The following RAP1A variants were observed in gnomAD, a reference collection of about 807,000 sequenced individuals.
RAP1A encodes ras-related protein Rap-1A.
Under a neutral mutation model 26.4 loss-of-function variants are expected in RAP1A, and 6 were observed. The observed-to-expected ratio is 0.23, with a 90% CI of 0.12 to 0.45. The LOEUF (loss-of-function observed/expected upper bound fraction) is 0.45, where lower values mean the gene tolerates loss of function less well. RAP1A is among the 20% of genes least tolerant of loss of function. The probability of loss-of-function intolerance (pLI) is 0.99; values close to 1 mark genes in which losing one functional copy is unlikely to be tolerated. For missense variants in RAP1A, 121 were observed against 217.2 expected (o/e 0.56, Z 2.78); for synonymous variants, 73 against 79.4 (o/e 0.92, Z 0.43).
In RAP1A at chr1:111,595,336, A is replaced by G. The variant is rs1159913655; in HGVS notation, c.-28+52827A>G. Among the ~76,000 whole-genome samples, 3 of 152,212 alleles carry G rather than the reference A, an allele frequency of 2.0e-5. No individual in the cohort carries two copies. In the East Asian group the frequency reaches 5.8e-4, roughly 29 times the overall value. ...TACTAGTACAGATTCCTCGGGCTGTAGGAGTTTCTGGTACAGGGGTCTTGA... is the reference window on the plus strand; with the variant it reads ...TACTAGTACAGATTCCTCGGGCTGTGGGAGTTTCTGGTACAGGGGTCTTGA... On this transcript the variant is annotated intron_variant, in intron 1 of 7. Coordinates refer to the RAP1A transcript ENST00000356415.
chr1:111,632,850 G>A (rs1341190314), intron 1 of RAP1A, among the ~76,000 whole-genome samples: 1 of 150,608 alleles, frequency 6.6e-6, no homozygotes, highest in Non-Finnish European at 1.5e-5. Context: ...GAACCTGGGA[G>A]GCAGAGGTTG....
At chr1:111,548,663 C>G (rs1388587763) in intron 1 of RAP1A, among the ~76,000 whole-genome samples, 3 of 152,158 alleles carry the variant, frequency 2.0e-5, no homozygotes, top group African/African-American at 7.2e-5. Flanking sequence ...TTAATTTTTT[C>G]CTCATAAATG....
At chr1:111,702,312 T>A (rs959260942) in intron 4 of RAP1A, among the ~76,000 whole-genome samples, 2 of 152,128 alleles carry the variant, frequency 1.3e-5, no homozygotes, top group African/African-American at 4.8e-5. Context: ...GTAATATATA[T>A]ATATAATACC....
intron 1 of RAP1A, among the ~76,000 whole-genome samples, chr1:111,584,073 G>A (rs1219295627): frequency 1.3e-5 from 2 of 151,718 alleles, no homozygotes; most frequent in African/African-American, 4.8e-5. Flanking sequence ...GTAGAGATGA[G>A]GTTTCACCAT....
At chr1:111,645,900 G>A (rs751997993) in intron 1 of RAP1A, among the ~76,000 whole-genome samples, 31 of 152,342 alleles carry the variant, frequency 2.0e-4, no homozygotes, top group Non-Finnish European at 4.1e-4. Flanking sequence ...AAACAATAAG[G>A]TGGGAGAAGA....
chr1:111,579,676 C>T (rs904495447), intron 1 of RAP1A, among the ~76,000 whole-genome samples: 1 of 152,198 alleles, frequency 6.6e-6, no homozygotes, highest in South Asian at 2.1e-4. Context: ...ACCTACCGAA[C>T]ATCATAGCTT....
At chr1:111,674,603 A>AGTCC (rs1272179349) in intron 1 of RAP1A, among the ~76,000 whole-genome samples, 1 of 152,176 alleles carries the variant, frequency 6.6e-6, no homozygotes, top group Admixed American at 6.5e-5. Context: ...GGAATCTCAT[A>AGTCC]GTTAATTTTT....
intron 1 of RAP1A, chr1:111,608,052 C>T (rs1433431173): frequency 6.4e-6 from 1 of 155,974 alleles, no homozygotes; most frequent in Non-Finnish European, 1.4e-5. Context: ...TGACCCCCAC[C>T]TCCCTCCCGG....
At chr1:111,685,551 A>T (rs1324896813) in intron 1 of RAP1A, among the ~76,000 whole-genome samples, 1 of 152,250 alleles carries the variant, frequency 6.6e-6, no homozygotes, top group East Asian at 1.9e-4. Flanking sequence ...CGTTAGAGAA[A>T]TGCAAATCAA....
chr1:111,583,020 G>T (rs1447761450), intron 1 of RAP1A, among the ~76,000 whole-genome samples: 1 of 152,134 alleles, frequency 6.6e-6, no homozygotes, highest in Admixed American at 6.5e-5. Context: ...TTCATGGAAA[G>T]TATAATTTAA....
intron 1 of RAP1A, among the ~76,000 whole-genome samples, chr1:111,604,858 T>C (rs1658740364): frequency 6.6e-6 from 1 of 152,126 alleles, no homozygotes; most frequent in Admixed American, 6.5e-5. Flanking sequence ...TGGGACCATG[T>C]TTATCTCCAT....
chr1:111,599,781 CCAAG>C (rs1658634841), intron 1 of RAP1A: 1 of 152,082 alleles, frequency 6.6e-6, no homozygotes, highest in African/African-American at 2.4e-5. Flanking sequence ...TTTGTCCCCC[CCAAG>C]TCTCATGTTG....
chr1:111,617,401 T>A (rs1659035148), upstream of RAP1A, among the ~76,000 whole-genome samples: 1 of 152,208 alleles, frequency 6.6e-6, no homozygotes. Flanking sequence ...TTGAGGACAC[T>A]CTTTCTCCAG....
At chr1:111,657,017 C>T (rs1660482646) in intron 1 of RAP1A, among the ~76,000 whole-genome samples, 2 of 152,008 alleles carry the variant, frequency 1.3e-5, no homozygotes, top group South Asian at 2.1e-4. Flanking sequence ...CTTCTCCGCC[C>T]CCAACAACCA....
chr1:111,688,664 T>C (rs1661570309), intron 1 of RAP1A, among the ~76,000 whole-genome samples: 1 of 152,048 alleles, frequency 6.6e-6, no homozygotes, highest in South Asian at 2.1e-4. Context: ...ATTTTTTCCC[T>C]CTGGCTTCTT....
intron 4 of RAP1A, among the ~76,000 whole-genome samples, chr1:111,701,257 C>A (rs964766943): frequency 6.6e-6 from 1 of 152,116 alleles, no homozygotes; most frequent in Non-Finnish European, 1.5e-5. Context: ...ACACTTTAGA[C>A]ATGTTTCCCT....
intron 1 of RAP1A, among the ~76,000 whole-genome samples, chr1:111,607,753 C>T (rs1190560463): frequency 7.0e-5 from 10 of 142,696 alleles, no homozygotes; most frequent in Non-Finnish European, 9.3e-5. Context: ...CCTCACTTCC[C>T]AGTAGGGGCG....
At chr1:111,610,520 CT>C (rs1658905618) in intron 1 of RAP1A, among the ~76,000 whole-genome samples, 1 of 148,540 alleles carries the variant, frequency 6.7e-6, no homozygotes, top group Non-Finnish European at 1.5e-5. Context: ...TATTCCACTA[CT>C]TCCCTCCACC....
At chr1:111,650,293 T>A (rs1189280465) in intron 1 of RAP1A, 1 of 152,136 alleles carries the variant, frequency 6.6e-6, no homozygotes, top group Non-Finnish European at 1.5e-5. Context: ...TTCATTCTCC[T>A]ATATCAAAGA....
Sources: allele counts gnomAD v4.1 joint callset (sites outside exome capture counted in the v4.1 genomes callset), GRCh38; gene constraint gnomAD v4.1.1; transcripts MANE v1.5; gene names NCBI Gene and HGNC (gene_info 2026-07-23, HGNC 2026-07-21).